The following GPR158 variants were observed in gnomAD, a reference collection of about 807,000 sequenced individuals.
GPR158 encodes G protein-coupled receptor 158.
In GPR158, 30 loss-of-function variants were observed where a neutral mutation model predicts 78.2. The observed-to-expected ratio is 0.38, with a 90% CI of 0.29 to 0.52. The LOEUF (loss-of-function observed/expected upper bound fraction) is 0.52. Ranked by LOEUF, GPR158 falls within the 20% of genes least tolerant of loss-of-function variation. The pLI is 0.83. For missense variants in GPR158, 1,463 were observed against 1,523.5 expected (o/e 0.96, Z 0.66); for synonymous variants, 581 against 591.1 (o/e 0.98, Z 0.25).
chr10:25,494,716 A>C (rs1835855613), intron 5 of GPR158, among the ~76,000 whole-genome samples: 1 of 152,130 alleles, frequency 6.6e-6, no homozygotes, highest in South Asian at 2.1e-4. Flanking sequence ...ACTCCACAGC[A>C]AAGTTCTTTG....
At chr10:25,180,362 T>C (rs747513396) in intron 1 of GPR158, among the ~76,000 whole-genome samples, 3 of 152,218 alleles carry the variant, frequency 2.0e-5, no homozygotes, top group Non-Finnish European at 4.4e-5. Context: ...CTAATGTAGC[T>C]AGTAAATGAA....
intron 5 of GPR158, among the ~76,000 whole-genome samples, chr10:25,530,162 T>A (rs557529158): frequency 6.6e-6 from 1 of 152,218 alleles, no homozygotes; most frequent in African/African-American, 2.4e-5. Context: ...TGAGCTGAAG[T>A]GGAACAGTAA....
chr10:25,226,759 C>T (rs1853377706), intron 2 of GPR158, among the ~76,000 whole-genome samples: 1 of 152,180 alleles, frequency 6.6e-6, no homozygotes, highest in Admixed American at 6.5e-5. Context: ...GAAACAGTAC[C>T]TGACACTGTT....
At chr10:25,428,750 A>C (rs1464119220) in intron 4 of GPR158, among the ~76,000 whole-genome samples, 1 of 152,064 alleles carries the variant, frequency 6.6e-6, no homozygotes, top group East Asian at 1.9e-4. Flanking sequence ...GAAGACAAGT[A>C]ATAATTAATA....
chr10:25,270,625 C>T (rs555380810), intron 2 of GPR158, among the ~76,000 whole-genome samples: 4 of 152,244 alleles, frequency 2.6e-5, no homozygotes, highest in Non-Finnish European at 2.9e-5. Flanking sequence ...CAGTCAGTGA[C>T]GCTATCTACC....
chr10:25,478,493 C>CTTGTGT (rs1051229392), intron 5 of GPR158, among the ~76,000 whole-genome samples: 7 of 145,190 alleles, frequency 4.8e-5, no homozygotes, highest in Middle Eastern at 3.6e-3. Context: ...ATATATAATG[C>CTTGTGT]GTGTGTGTGT....
intron 6 of GPR158, among the ~76,000 whole-genome samples, chr10:25,568,871 G>A (rs931638192): frequency 2.6e-5 from 4 of 152,124 alleles, no homozygotes; most frequent in African/African-American, 9.7e-5. Flanking sequence ...ATGGTCTCCT[G>A]AAGACTTATC....
At chr10:25,433,694 C>CTTTCT (rs1161265269) in intron 4 of GPR158, among the ~76,000 whole-genome samples, 2 of 109,850 alleles carry the variant, frequency 1.8e-5, no homozygotes, top group African/African-American at 6.9e-5. Flanking sequence ...TTCTTTCTTT[C>CTTTCT]TTTTTTTTTT....
chr10:25,601,184 A>T lies in GPR158; in HGVS notation c.*1910A>T, dbSNP rs185362953. The T allele has an allele frequency of 2.9e-4, 44 of 152,664 alleles. No individual in the cohort carries two copies. The highest frequency in any genetic ancestry group is 1.0e-3 in the African/African-American group (43 of 41,558). 9.5% of individuals were successfully genotyped at this position (152,664 alleles called of 1,614,324 possible). On this transcript the variant is annotated 3_prime_UTR_variant, in exon 11 of 11. Transcript: ENST00000376351. ...CCATATTCATCATCAAATTTTTCTCAGTGATTTTTTTATTCAGGAGTAAGC... is the reference window on the plus strand; with the variant it reads ...CCATATTCATCATCAAATTTTTCTCTGTGATTTTTTTATTCAGGAGTAAGC...
intron 4 of GPR158, among the ~76,000 whole-genome samples, chr10:25,444,534 TGTGTGTGTG>T (rs954641358): frequency 6.6e-6 from 1 of 150,712 alleles, no homozygotes; most frequent in Admixed American, 6.6e-5. Context: ...TGTGTGGAAG[TGTGTGTGTG>T]GTGTGTGTGG....
chr10:25,587,747 G>C (rs999001624), intron 7 of GPR158, among the ~76,000 whole-genome samples: 12 of 152,070 alleles, frequency 7.9e-5, no homozygotes, highest in Non-Finnish European at 1.6e-4. Flanking sequence ...GGCTACATCA[G>C]GGTTTTAGAG....
Position 25,600,648 on chromosome 10 carries a change from G to A in GPR158, c.*1374G>A, listed in dbSNP as rs1008764545. The A allele has an allele frequency of 6.6e-6, 1 of 152,522 alleles. No individual in the cohort carries two copies. The allele number at this position is 152,522 out of a possible 1,614,324, so 9.4% of individuals were successfully genotyped here. A position where few individuals can be genotyped will look rare whatever the true frequency, so the allele number is the denominator to read the frequency against. On this transcript the variant is annotated 3_prime_UTR_variant, in exon 11 of 11. Transcript: ENST00000376351. ...CTTGCTGGGCTCAAATCCCAAAGAG[G>A]TTTTATAACCTTATTTATTCAAAAC...
At chr10:25,179,307 T>C (rs931833469) in intron 1 of GPR158, among the ~76,000 whole-genome samples, 1 of 152,156 alleles carries the variant, frequency 6.6e-6, no homozygotes, top group African/African-American at 2.4e-5. Context: ...CTTTTAAACA[T>C]GTGAAGTGTT....
intron 2 of GPR158, among the ~76,000 whole-genome samples, chr10:25,332,113 C>T (rs937525321): frequency 6.8e-6 from 1 of 146,726 alleles, no homozygotes; most frequent in African/African-American, 2.7e-5. Context: ...CAGAAATCAC[C>T]TGGGGGGGGG....
chr10:25,435,277 G>C (rs1280565787), intron 4 of GPR158, among the ~76,000 whole-genome samples: 1 of 152,116 alleles, frequency 6.6e-6, no homozygotes, highest in Non-Finnish European at 1.5e-5. Flanking sequence ...ATAATGCTAA[G>C]TGACATGAAG....
chr10:25,302,934 T>A (rs1006509916), intron 2 of GPR158, among the ~76,000 whole-genome samples: 1 of 152,224 alleles, frequency 6.6e-6, no homozygotes. Flanking sequence ...GCAAATCACA[T>A]GATTTACTGT....
intron 2 of GPR158, among the ~76,000 whole-genome samples, chr10:25,331,677 G>A (rs116559530): frequency 0.025 from 3,760 of 152,182 alleles, 162 homozygotes; most frequent in African/African-American, 0.086. Context: ...GGCTTTCATC[G>A]GTATATCTGG....
intron 5 of GPR158, among the ~76,000 whole-genome samples, chr10:25,476,272 G>A (rs974145076): frequency 2.6e-5 from 4 of 151,802 alleles, no homozygotes; most frequent in African/African-American, 9.7e-5. Context: ...GTATTTTTTT[G>A]CTAAATTACA....
At position 25,241,161 on chromosome 10, in the gene GPR158, CTTTCTTTCTTT is replaced by C. The variant is rs1853604180; in HGVS notation, c.1008+20005_1008+20015del. On this transcript the variant is annotated intron_variant, in intron 2 of 10. Coordinates refer to ENST00000376351, the MANE Select transcript of GPR158 (RefSeq NM_020752.3). ...TCTTTCTTTCTTTCTTTCTTTCTTT[CTTTCTTTCTTT>C]CTTTCTTTCTTTCTTTCCTTTCTTT... 5.7e-5 allele frequency among the ~76,000 whole-genome samples: 7 copies of C among 122,084 alleles called. No homozygotes were observed. The Admixed American group carries it at 5.8e-4, about 10-fold the overall frequency. 80.1% of individuals were successfully genotyped at this position (122,084 alleles called of 152,430 possible). A position where few individuals can be genotyped will look rare whatever the true frequency, so the allele number is the denominator to read the frequency against.
Sources: gnomAD v4.1 joint callset for allele counts (sites outside exome capture counted in the v4.1 genomes callset) on GRCh38, gnomAD v4.1.1 for gene constraint, MANE v1.5 for transcripts, NCBI Gene and HGNC (gene_info 2026-07-23, HGNC 2026-07-21) for gene names.